ATXN7L1: variants seen among roughly 807,000 people sequenced by gnomAD.
ATXN7L1 encodes ataxin-7-like protein 1.
In ATXN7L1, 15 loss-of-function variants were observed where a neutral mutation model predicts 70.8. The observed-to-expected ratio is 0.21, with a 90% CI of 0.14 to 0.33. The LOEUF (loss-of-function observed/expected upper bound fraction) is 0.33. Ranked by LOEUF, ATXN7L1 falls within the 10% of genes least tolerant of loss-of-function variation. The pLI is 1.00. For synonymous variants in ATXN7L1, 440 were observed against 445.1 expected, an observed-to-expected ratio of 0.99 and a Z score of 0.14; for missense variants, 975 against 1,097.1, an observed-to-expected ratio of 0.89 and a Z score of 1.57.
chr7:105,873,412 A>G (rs1818568422), intron 2 of ATXN7L1, among the ~76,000 whole-genome samples: 1 of 152,234 alleles, frequency 6.6e-6, no homozygotes, highest in African/African-American at 2.4e-5. Context: ...TATCCGTCCC[A>G]GGACTTTGTT....
chr7:105,651,059 C>G (rs1217595903), intron 4 of ATXN7L1, among the ~76,000 whole-genome samples: 3 of 152,164 alleles, frequency 2.0e-5, no homozygotes, highest in African/African-American at 7.2e-5. Context: ...CTTCTGGCTA[C>G]CCGGTTTCAG....
At chr7:105,727,394 C>T (rs1178888020) in intron 3 of ATXN7L1, among the ~76,000 whole-genome samples, 3 of 151,972 alleles carry the variant, frequency 2.0e-5, no homozygotes, top group African/African-American at 7.2e-5. Flanking sequence ...GCAGGCCAGG[C>T]GTGGTGGCTC....
At chr7:105,790,696 T>C (rs973293573) in intron 2 of ATXN7L1, among the ~76,000 whole-genome samples, 25 of 151,490 alleles carry the variant, frequency 1.7e-4, no homozygotes, top group African/African-American at 5.6e-4. Flanking sequence ...TCTATCTATC[T>C]ATCTATCTAT....
chr7:105,695,381 GA>G (rs35687844), intron 3 of ATXN7L1, among the ~76,000 whole-genome samples: 9,626 of 152,244 alleles, frequency 0.063, 336 homozygotes, highest in South Asian at 0.092. Context: ...GTTTCATAGT[GA>G]ATGTGCCTAA....
Position 105,876,591 on chromosome 7 carries a change from A to G in ATXN7L1, c.-33T>C, listed in dbSNP as rs774904100. The G allele has an allele frequency of 5.5e-6, 2 of 363,144 alleles. No homozygotes were observed. Among genetic ancestry groups the G allele is most frequent in the South Asian group, 2.5e-5 (1 of 40,746 alleles). 22.5% of individuals were successfully genotyped at this position (363,144 alleles called of 1,614,324 possible). A position where few individuals can be genotyped will look rare whatever the true frequency, so the allele number is the denominator to read the frequency against. ...ACGTTCCGACATTGAGTGTTCTGAA[A>G]GGGGGAGGGAGGGAGGAAGGGCGGG... On this transcript the variant is annotated 5_prime_UTR_variant, in exon 1 of 12. Coordinates refer to ENST00000419735, the MANE Select transcript of ATXN7L1 (RefSeq NM_020725.2).
At chr7:105,672,884 G>T (rs987811289) in intron 3 of ATXN7L1, among the ~76,000 whole-genome samples, 6 of 152,194 alleles carry the variant, frequency 3.9e-5, no homozygotes, top group Non-Finnish European at 5.9e-5. Flanking sequence ...GAGTTGGGGG[G>T]CCCCAGTACC....
intron 3 of ATXN7L1, among the ~76,000 whole-genome samples, chr7:105,665,791 C>A (rs934106209): frequency 6.6e-6 from 1 of 152,176 alleles, no homozygotes; most frequent in Admixed American, 6.5e-5. Flanking sequence ...ACTTTGCAAG[C>A]GAGGAAGTGG....
chr7:105,738,749 G>A (rs1159373367), intron 3 of ATXN7L1, among the ~76,000 whole-genome samples: 2 of 152,186 alleles, frequency 1.3e-5, no homozygotes, highest in Admixed American at 6.5e-5. Flanking sequence ...AATGACTTTT[G>A]TATTTTTCTT....
At chr7:105,727,746 G>GTATATATATATATATATATATATA (rs1232202676) in intron 3 of ATXN7L1, among the ~76,000 whole-genome samples, 1 of 55,354 alleles carries the variant, frequency 1.8e-5, no homozygotes, top group African/African-American at 9.8e-5. Flanking sequence ...GTGTATGTGT[G>GTATATATATATATATATATATATA]TATATATATA....
chr7:105,840,662 T>C (rs77860847), intron 2 of ATXN7L1, among the ~76,000 whole-genome samples: 8,895 of 152,248 alleles, frequency 0.058, 464 homozygotes, highest in East Asian at 0.22. Context: ...AGAGCCTCCC[T>C]GTCCAACCCC....
At chr7:105,672,302 A>T (rs955644458) in intron 3 of ATXN7L1, among the ~76,000 whole-genome samples, 1 of 152,182 alleles carries the variant, frequency 6.6e-6, no homozygotes, top group Non-Finnish European at 1.5e-5. Context: ...CCCCCAAAAA[A>T]GAGAGGCACT....
intron 2 of ATXN7L1, among the ~76,000 whole-genome samples, chr7:105,864,400 G>A (rs1817073266): frequency 7.1e-6 from 1 of 141,244 alleles, no homozygotes; most frequent in Admixed American, 7.5e-5. Flanking sequence ...CGACGCTGCA[G>A]TGAGCTTGAT....
At chr7:105,665,356 T>A in intron 3 of ATXN7L1, 68 bp from the exon 4 acceptor site, 1 of 1,283,386 alleles carries the variant, frequency 7.8e-7, no homozygotes, top group Non-Finnish European at 1.1e-6. Flanking sequence ...CACACTCACA[T>A]ACACTCAAAC....
intron 3 of ATXN7L1, among the ~76,000 whole-genome samples, chr7:105,670,316 G>A (rs1168332671): frequency 6.6e-6 from 1 of 152,156 alleles, no homozygotes; most frequent in African/African-American, 2.4e-5. Context: ...TTGATTAAGG[G>A]ACTGCCTAAG....
intron 4 of ATXN7L1, among the ~76,000 whole-genome samples, chr7:105,655,678 G>A (rs939323255): frequency 6.6e-6 from 1 of 152,212 alleles, no homozygotes; most frequent in Non-Finnish European, 1.5e-5. Flanking sequence ...GGCAGGAAGA[G>A]ATAAGCCGCC....
chr7:105,876,594 GGGA>G lies in ATXN7L1; in HGVS notation c.-39_-37del. The G allele has an allele frequency of 6.7e-7, 1 of 1,496,768 alleles. No individual in the cohort carries two copies. The highest frequency in any genetic ancestry group is 9.2e-7 in the Non-Finnish European group (1 of 1,090,686). 92.7% of individuals were successfully genotyped at this position (1,496,768 alleles called of 1,614,324 possible). ...TTCCGACATTGAGTGTTCTGAAAGG[GGGA>G]GGGAGGGAGGAAGGGCGGGATGGGA... On this transcript the variant is annotated 5_prime_UTR_variant, in exon 1 of 12. Transcript: ENST00000419735.
intron 2 of ATXN7L1, among the ~76,000 whole-genome samples, chr7:105,798,787 A>G (rs1349223870): frequency 1.3e-5 from 2 of 152,220 alleles, no homozygotes; most frequent in Non-Finnish European, 2.9e-5. Context: ...GATGTCCGCC[A>G]TATTGCTTCT....
chr7:105,870,163 T>C (rs372973616), intron 2 of ATXN7L1, among the ~76,000 whole-genome samples: 1 of 151,806 alleles, frequency 6.6e-6, no homozygotes, highest in African/African-American at 2.4e-5. Flanking sequence ...GTACCTGTAG[T>C]CCCAGCTACT....
intron 3 of ATXN7L1, among the ~76,000 whole-genome samples, chr7:105,776,846 T>C (rs1480112631): frequency 6.6e-6 from 1 of 152,306 alleles, no homozygotes. Context: ...CTTGGCTCAC[T>C]GTAATCTCTG....
Sources: allele counts gnomAD v4.1 joint callset (sites outside exome capture counted in the v4.1 genomes callset), GRCh38; gene constraint gnomAD v4.1.1; transcripts MANE v1.5; gene names NCBI Gene and HGNC (gene_info 2026-07-23, HGNC 2026-07-21).